The following CD40 variants were observed in gnomAD, a reference collection of about 807,000 sequenced individuals.
The protein encoded by CD40 is CD40 molecule, also known as tumor necrosis factor receptor superfamily member 5.
CD40 carries 19 observed loss-of-function variants against 38.5 expected under a neutral mutation model. The observed-to-expected ratio is 0.49, with a 90% CI of 0.34 to 0.72. The LOEUF (loss-of-function observed/expected upper bound fraction) is 0.72, where lower values mean the gene tolerates loss of function less well. Among genes scored for constraint, CD40 ranks in the 30% least tolerant of loss-of-function variants. The probability of loss-of-function intolerance (pLI) is 0.01; values close to 1 mark genes in which losing one functional copy is unlikely to be tolerated. For synonymous variants in CD40, 130 were observed against 128.7 expected, an observed-to-expected ratio of 1.01 and a Z score of -0.07; for missense variants, 256 against 344.1, an observed-to-expected ratio of 0.74 and a Z score of 2.03.
intron 8 of CD40, 182 bp downstream of exon 8, chr20:46,128,540 A>G: frequency 2.7e-6 from 2 of 750,216 alleles, no homozygotes; most frequent in Non-Finnish European, 4.6e-6. Flanking sequence ...AATCCCCCAC[A>G]GAACTGCCCC....
chr20:46,120,805 C>G (rs2085303293), intron 1 of CD40, among the ~76,000 whole-genome samples: 1 of 152,222 alleles, frequency 6.6e-6, no homozygotes, highest in Non-Finnish European at 1.5e-5. Flanking sequence ...TGGCTTGTGC[C>G]TGTAATCCCA....
chr20:46,126,106 C>T (rs2085429775), intron 5 of CD40, among the ~76,000 whole-genome samples: 1 of 152,208 alleles, frequency 6.6e-6, no homozygotes, highest in South Asian at 2.1e-4. Flanking sequence ...AATGTCTGGA[C>T]ACATTTCATT....
rs769096290 is a variant in CD40 at position 46,126,658 on chromosome 20, G to C, written c.516G>C (p.Leu172=). The C allele has an allele frequency of 1.2e-6, 2 of 1,614,142 alleles. No homozygotes were observed. Among genetic ancestry groups the C allele is most frequent in the Non-Finnish European group, 1.7e-6 (2 of 1,180,020 alleles). ...HPWTSCETKD[L]VVQQAGTNKT... ...TGCATAGCTGTGAGACCAAAGACCTGGTTGTGCAACAGGCAGGCACAAACA... is the reference window on the plus strand; with the variant it reads ...TGCATAGCTGTGAGACCAAAGACCTCGTTGTGCAACAGGCAGGCACAAACA... The change falls in exon 6 of 9, where the codon CTG becomes CTC. Residue 172 remains leucine, a synonymous_variant. Transcript: ENST00000372285.
In CD40 at chr20:46,122,099, C is replaced by T. The variant is rs1185757070; in HGVS notation, c.131-134C>T. On this transcript the variant is annotated intron_variant, in intron 2 of 8. Coordinates refer to ENST00000372285, the MANE Select transcript of CD40 (RefSeq NM_001250.6). The surrounding 1 kb of genome is among the most constrained non-coding windows in gnomAD (Gnocchi z 5.0). ...TAGGGATCCCAGCTTCTCCATCTTC[C>T]TCGCCTGATTATGAAGGATCCAAGA... 4.9e-6 allele frequency: 6 copies of T among 1,230,076 alleles called. No individual in the cohort carries two copies. Among genetic ancestry groups the T allele is most frequent in the Non-Finnish European group, 7.1e-6 (6 of 842,584 alleles). 76.2% of individuals were successfully genotyped at this position (1,230,076 alleles called of 1,614,324 possible).
chr20:46,118,880 T>A (rs1198656586), intron 1 of CD40, among the ~76,000 whole-genome samples: 1 of 152,186 alleles, frequency 6.6e-6, no homozygotes, highest in East Asian at 1.9e-4. Context: ...GAGGCCCAGG[T>A]ACTTTTGTGA....
chr20:46,121,794 T>C (rs777268106), intron 1 of CD40, 26 bp from the exon 2 acceptor site: 3 of 1,588,340 alleles, frequency 1.9e-6, no homozygotes, highest in Non-Finnish European at 2.6e-6. Context: ...TCAAGATCCC[T>C]TCAAATTGCA....
rs1361629901 is a variant in CD40 at position 46,128,149 on chromosome 20, C to T, written c.571C>T (p.Arg191Trp). 19 of 1,613,742 alleles carry T rather than the reference C, an allele frequency of 1.2e-5. No individual in the cohort carries two copies. The highest frequency in any genetic ancestry group is 2.2e-5 in the East Asian group (1 of 44,862). ...KTDVVCGPQD[R>W]LRALVVIPII... ...CCTGATTTCTCCAGGTCCCCAGGATCGGCTGAGAGCCCTGGTGGTGATCCC... is the reference window on the plus strand; with the variant it reads ...CCTGATTTCTCCAGGTCCCCAGGATTGGCTGAGAGCCCTGGTGGTGATCCC... Residue 191 changes from arginine (R) to tryptophan (W), a missense_variant, in exon 7 of 9, where the codon CGG becomes TGG. Coordinates refer to ENST00000372285, the MANE Select transcript of CD40 (RefSeq NM_001250.6).
Position 46,129,350 on chromosome 20 carries a change from C to G in CD40, c.*310C>G, listed in dbSNP as rs886056720. 29 of 391,416 alleles carry G rather than the reference C, an allele frequency of 7.4e-5. No homozygotes were observed. Among genetic ancestry groups the G allele is most frequent in the Non-Finnish European group, 1.4e-4 (29 of 204,160 alleles). 24.2% of individuals were successfully genotyped at this position (391,416 alleles called of 1,614,324 possible). On this transcript the variant is annotated 3_prime_UTR_variant, in exon 9 of 9. Transcript: ENST00000372285. ...AGTAATATCCACCAGACCTTCCGATCCAGCAGTTTGGTGCCCAGAGAGGCA... is the reference window on the plus strand; with the variant it reads ...AGTAATATCCACCAGACCTTCCGATGCAGCAGTTTGGTGCCCAGAGAGGCA...
intron 5 of CD40, among the ~76,000 whole-genome samples, chr20:46,124,994 C>T (rs1159634042): frequency 1.3e-5 from 2 of 151,466 alleles, no homozygotes; most frequent in Non-Finnish European, 2.9e-5. Context: ...GTCTTGATCT[C>T]CTGACCTCGT....
rs1027000550 is a variant in CD40 at position 46,119,203 on chromosome 20, G to C, written c.51+809G>C. ...CACTTGACTCACTTTTTGTTTAAAT[G>C]TATTTTTGTAGTTCCTCATTCTGGA... On this transcript the variant is annotated intron_variant, in intron 1 of 8. Transcript: ENST00000372285. 2.0e-5 allele frequency among the ~76,000 whole-genome samples: 3 copies of C among 152,306 alleles called. No individual in the cohort carries two copies. In the East Asian group the frequency reaches 5.8e-4, roughly 29 times the overall value.
intron 8 of CD40, 160 bp from the exon 9 acceptor site, chr20:46,128,722 G>T: frequency 1.3e-6 from 1 of 746,022 alleles, no homozygotes; most frequent in South Asian, 1.7e-5. Context: ...CGCCCTTGGT[G>T]TGGCCAGCAG....
intron 1 of CD40, among the ~76,000 whole-genome samples, chr20:46,118,881 A>C (rs1304735899): frequency 1.3e-5 from 2 of 152,206 alleles, no homozygotes; most frequent in Non-Finnish European, 2.9e-5. Context: ...AGGCCCAGGT[A>C]CTTTTGTGAG....
rs894389268 is a variant in CD40 at position 46,126,624 on chromosome 20, A to C, written c.498-16A>C. 5.0e-6 allele frequency: 8 copies of C among 1,613,954 alleles called. No homozygotes were observed. On this transcript the variant is annotated splice_polypyrimidine_tract_variant and intron_variant, in intron 5 of 8. Transcript: ENST00000372285. ...TTTCTCTGTGTGTGTGCATTTGTGC[A>C]CGTGTCTGTGCATAGCTGTGAGACC...
At chr20:46,119,465 C>T (rs1275178297) in intron 1 of CD40, among the ~76,000 whole-genome samples, 1 of 152,020 alleles carries the variant, frequency 6.6e-6, no homozygotes, top group Non-Finnish European at 1.5e-5. Context: ...GAGGGCGGAG[C>T]TGGAAAGAGG....
At chr20:46,119,048 T>G (rs1461924381) in intron 1 of CD40, among the ~76,000 whole-genome samples, 1 of 137,120 alleles carries the variant, frequency 7.3e-6, no homozygotes, top group African/African-American at 2.8e-5. Context: ...CAATAAAGGG[T>G]TAGGAGACCA....
At position 46,126,719 on chromosome 20, in the gene CD40, G is replaced by C; in HGVS notation, c.559+18G>C. 1 of 1,613,992 alleles carries C rather than the reference G, an allele frequency of 6.2e-7. No homozygotes were observed. The highest frequency in any genetic ancestry group is 1.1e-5 in the South Asian group (1 of 91,074). ...TGTCTGTGGTGAGTCCTGGACAATG[G>C]GCCCTGGAGAAAGCCTAGGAAGGTG... On this transcript the variant is annotated intron_variant, in intron 6 of 8. Coordinates refer to ENST00000372285, the MANE Select transcript of CD40 (RefSeq NM_001250.6).
chr20:46,122,787 A>AG lies in CD40; in HGVS notation c.403+36dup, dbSNP rs1220453747. 1.2e-6 allele frequency: 2 copies of AG among 1,612,758 alleles called. No homozygotes were observed. Among genetic ancestry groups the AG allele is most frequent in the African/African-American group, 2.7e-5 (2 of 74,822 alleles). On this transcript the variant is annotated intron_variant, in intron 4 of 8. Transcript: ENST00000372285. This position sits in a 1 kb window ranked among gnomAD's most constrained non-coding sequence, Gnocchi z 5.0. The stretch of plus-strand genomic sequence containing the variant: ...TGGCTCATCTGGGAATCAGTTTTGG[A>AG]GGGGGACAGAGGAGCTTAGGGCCCA...
At chr20:46,124,562 G>GTATACCA (rs11471718) in intron 5 of CD40, among the ~76,000 whole-genome samples, 151,809 of 151,820 alleles carry the variant, frequency 1, 75,899 homozygotes, top group Middle Eastern at 1. Flanking sequence ...ACAAATAGGA[G>GTATACCA]TATACATTTT....
At chr20:46,125,182 C>CTTCATT (rs2085408647) in intron 5 of CD40, among the ~76,000 whole-genome samples, 1 of 151,988 alleles carries the variant, frequency 6.6e-6, no homozygotes, top group South Asian at 2.1e-4. Flanking sequence ...TGGGAATGAC[C>CTTCATT]TTCATTTCAC....
Sources: allele counts gnomAD v4.1 joint callset (sites outside exome capture counted in the v4.1 genomes callset), GRCh38; gene constraint gnomAD v4.1.1; non-coding constraint Gnocchi (gnomAD v3.1); transcripts MANE v1.5; gene names NCBI Gene and HGNC (gene_info 2026-07-23, HGNC 2026-07-21).